Variants in SUSD1 observed in about 807,000 individuals in gnomAD.
SUSD1 encodes sushi domain-containing protein 1.
In SUSD1, 65 loss-of-function variants were observed where a neutral mutation model predicts 86.9. That is an observed-to-expected ratio of 0.75 (90% CI 0.61 to 0.92). The LOEUF is 0.92. SUSD1 is among the 40% of genes least tolerant of loss of function. SUSD1 has a pLI of 0.00. For missense variants in SUSD1, 850 were observed against 929.7 expected (o/e 0.91, Z 1.11); for synonymous variants, 346 against 350.0 (o/e 0.99, Z 0.13).
intron 15 of SUSD1, among the ~76,000 whole-genome samples, chr9:112,049,705 A>T (rs1589573688): frequency 6.6e-6 from 1 of 152,348 alleles, no homozygotes; most frequent in African/African-American, 2.4e-5. Context: ...ACTTTTTTGA[A>T]AAAGTAGACT....
chr9:112,060,745 C>A (rs1828684422), intron 13 of SUSD1, among the ~76,000 whole-genome samples: 1 of 152,232 alleles, frequency 6.6e-6, no homozygotes, highest in South Asian at 2.1e-4. Context: ...CCTGTAACAA[C>A]AAACTTGCCG....
chr9:112,058,744 A>G (rs1267814106), intron 13 of SUSD1, 58 bp from the exon 14 acceptor site: 1 of 1,578,210 alleles, frequency 6.3e-7, no homozygotes, highest in Non-Finnish European at 8.6e-7. Context: ...TCATTCATTC[A>G]TTCATATTTA....
intron 2 of SUSD1, 144 bp downstream of exon 2, chr9:112,157,356 C>A: frequency 1.7e-6 from 1 of 603,750 alleles, no homozygotes; most frequent in Non-Finnish European, 2.9e-6. Context: ...AAAACAAAGA[C>A]TTATTATAAT....
rs553011728 is a variant in SUSD1 at position 112,086,186 on chromosome 9, C to T, written c.1475-6021G>A. Among the ~76,000 whole-genome samples, 25 of 151,164 alleles carry T rather than the reference C, an allele frequency of 1.7e-4. No individual in the cohort carries two copies. In the South Asian group the frequency reaches 4.8e-3, roughly 29 times the overall value. On this transcript the variant is annotated intron_variant, in intron 10 of 16. Coordinates refer to ENST00000374270, the MANE Select transcript of SUSD1 (RefSeq NM_022486.5). ...TAAAAAAGTTAGCTGAGCATGGTGG[C>T]GGGAGCCTGTAGTACCAGCTACTCG...
chr9:112,104,391 C>CTAATAATAATAATAGTAA (rs1564297580), intron 8 of SUSD1, among the ~76,000 whole-genome samples: 2 of 151,560 alleles, frequency 1.3e-5, no homozygotes, highest in Non-Finnish European at 2.9e-5. Flanking sequence ...ATTGCTACTG[C>CTAATAATAATAATAGTAA]TAATAATAAT....
At chr9:112,102,481 G>A (rs1830671979) in intron 8 of SUSD1, among the ~76,000 whole-genome samples, 196 bp from the exon 9 acceptor site, 1 of 152,186 alleles carries the variant, frequency 6.6e-6, no homozygotes, top group South Asian at 2.1e-4. Flanking sequence ...CCTTAGCTAA[G>A]TCACTGAACC....
chr9:112,101,664 G>A (rs1192046022), intron 9 of SUSD1, among the ~76,000 whole-genome samples: 2 of 151,466 alleles, frequency 1.3e-5, no homozygotes, highest in Admixed American at 1.3e-4. Flanking sequence ...TGACCAACAT[G>A]GAGAAACCCC....
intron 12 of SUSD1, among the ~76,000 whole-genome samples, chr9:112,066,053 G>C (rs1392384493): frequency 6.6e-6 from 1 of 152,194 alleles, no homozygotes; most frequent in Non-Finnish European, 1.5e-5. Flanking sequence ...CAGGCAGGCC[G>C]AGTCACACCA....
intron 4 of SUSD1, 73 bp downstream of exon 4, chr9:112,143,398 G>T: frequency 6.6e-7 from 1 of 1,522,930 alleles, no homozygotes. Context: ...CCCCAACACA[G>T]GCTTGGAGCA....
intron 6 of SUSD1, among the ~76,000 whole-genome samples, chr9:112,122,739 A>G (rs138523839): frequency 9.5e-4 from 144 of 152,370 alleles, no homozygotes; most frequent in Non-Finnish European, 1.7e-3. Flanking sequence ...CCAAGTGTCC[A>G]TCAACAAATG....
chr9:112,091,686 A>C (rs1830211770), intron 10 of SUSD1, among the ~76,000 whole-genome samples: 1 of 152,342 alleles, frequency 6.6e-6, no homozygotes, highest in South Asian at 2.1e-4. Context: ...CTATCCTGAA[A>C]GCAAAGTTAC....
chr9:112,083,785 C>G (rs771741331), intron 10 of SUSD1, among the ~76,000 whole-genome samples: 1 of 152,170 alleles, frequency 6.6e-6, no homozygotes, highest in Non-Finnish European at 1.5e-5. Context: ...TTTGGTGAGG[C>G]AGTATTTCTT....
intron 10 of SUSD1, 106 bp downstream of exon 10, chr9:112,098,364 C>A: frequency 8.8e-7 from 1 of 1,142,546 alleles, no homozygotes. Context: ...GAACTGGAAC[C>A]CCTGTCTCTT....
intron 10 of SUSD1, among the ~76,000 whole-genome samples, chr9:112,097,932 C>G (rs1485084057): frequency 6.6e-6 from 1 of 152,142 alleles, no homozygotes; most frequent in Non-Finnish European, 1.5e-5. Context: ...CTAGGGGGAG[C>G]TGTGGAGTTA....
chr9:112,081,329 C>T (rs1294377074), intron 10 of SUSD1, among the ~76,000 whole-genome samples: 4 of 152,164 alleles, frequency 2.6e-5, no homozygotes, highest in South Asian at 4.1e-4. Flanking sequence ...TTGGTAGACA[C>T]GACTCCTCTC....
chr9:112,101,615 G>A (rs1055726644), intron 9 of SUSD1, among the ~76,000 whole-genome samples: 5 of 151,918 alleles, frequency 3.3e-5, no homozygotes, highest in African/African-American at 1.2e-4. Flanking sequence ...GGAGGCCGAG[G>A]AGGGCAGATC....
intron 8 of SUSD1, chr9:112,105,102 G>T (rs1469998521): frequency 6.6e-6 from 1 of 151,970 alleles, no homozygotes; most frequent in Non-Finnish European, 1.5e-5. Context: ...AACTAGATGA[G>T]ACCCAAAGAA....
chr9:112,150,912 G>T (rs1239381816), intron 2 of SUSD1, among the ~76,000 whole-genome samples: 1 of 152,172 alleles, frequency 6.6e-6, no homozygotes, highest in Non-Finnish European at 1.5e-5. Context: ...GGAAGGCCTA[G>T]AACGTTATGA....
intron 15 of SUSD1, among the ~76,000 whole-genome samples, chr9:112,044,972 G>A (rs945964200): frequency 1.3e-5 from 2 of 152,146 alleles, no homozygotes; most frequent in Admixed American, 6.5e-5. Flanking sequence ...AAAATTCTAC[G>A]AAAAGGTAAA....
Sources: allele counts gnomAD v4.1 joint callset (sites outside exome capture counted in the v4.1 genomes callset), GRCh38; gene constraint gnomAD v4.1.1; transcripts MANE v1.5; gene names NCBI Gene and HGNC (gene_info 2026-07-23, HGNC 2026-07-21).